Variants in MYO3B observed in about 807,000 individuals in gnomAD.
MYO3B encodes the protein myosin IIIB, also known as myosin-IIIb.
In MYO3B, 156 loss-of-function variants were observed where a neutral mutation model predicts 174.6. That is an observed-to-expected ratio of 0.89 (90% CI 0.78 to 1.02). MYO3B has a LOEUF of 1.02. Ranked by LOEUF, MYO3B falls within the 50% of genes least tolerant of loss-of-function variation. MYO3B has a pLI of 0.00. For missense variants in MYO3B, 1,632 were observed against 1,639.4 expected, an observed-to-expected ratio of 1.00 and a Z score of 0.08; for synonymous variants, 563 against 569.1, an observed-to-expected ratio of 0.99 and a Z score of 0.15.
At chr2:170,399,270 A>G in intron 16 of MYO3B, among the ~76,000 whole-genome samples, 1 of 50,948 alleles carries the variant, frequency 2.0e-5, no homozygotes, top group Non-Finnish European at 5.1e-5. Context: ...AAAAAAAGAG[A>G]GAGACCAGTC....
chr2:170,508,114 T>C (rs903902913), intron 28 of MYO3B, among the ~76,000 whole-genome samples: 1 of 152,132 alleles, frequency 6.6e-6, no homozygotes, highest in African/African-American at 2.4e-5. Context: ...GAAACTTTTG[T>C]GCAACAGTAG....
intron 32 of MYO3B, among the ~76,000 whole-genome samples, chr2:170,582,620 A>G (rs569976682): frequency 6.6e-6 from 1 of 152,184 alleles, no homozygotes; most frequent in South Asian, 2.1e-4. Flanking sequence ...CCTTTCTGCC[A>G]CTTTGCCACC....
chr2:170,507,492 T>A (rs1190716642), intron 28 of MYO3B, among the ~76,000 whole-genome samples: 1 of 152,078 alleles, frequency 6.6e-6, no homozygotes, highest in Non-Finnish European at 1.5e-5. Flanking sequence ...CTCCCCTTCC[T>A]GAGTTCAAGG....
chr2:170,198,324 A>G (rs2092623530), intron 1 of MYO3B, among the ~76,000 whole-genome samples: 1 of 152,172 alleles, frequency 6.6e-6, no homozygotes, highest in Admixed American at 6.5e-5. Flanking sequence ...CTCTGTTTAC[A>G]CTTGGGCAGA....
chr2:170,290,053 T>C (rs34919324), intron 7 of MYO3B, among the ~76,000 whole-genome samples: 13,660 of 152,188 alleles, frequency 0.09, 865 homozygotes, highest in Non-Finnish European at 0.14. Flanking sequence ...TTGTGATCCA[T>C]TGTGATCAGA....
chr2:170,382,507 A>G (rs992897653), intron 10 of MYO3B: 1 of 171,920 alleles, frequency 5.8e-6, no homozygotes, highest in Non-Finnish European at 1.3e-5. Context: ...CTTGAATTCT[A>G]AATTTGAAGT....
chr2:170,486,007 G>A (rs1006853689), intron 25 of MYO3B, among the ~76,000 whole-genome samples: 2 of 149,848 alleles, frequency 1.3e-5, no homozygotes, highest in African/African-American at 4.9e-5. Flanking sequence ...AAAGAAAGAG[G>A]GAGAGAGAGA....
chr2:170,435,226 A>T (rs2094743951), intron 22 of MYO3B, among the ~76,000 whole-genome samples: 1 of 152,162 alleles, frequency 6.6e-6, no homozygotes, highest in Non-Finnish European at 1.5e-5. Flanking sequence ...GTTTGTTGAG[A>T]AATCGTTTAT....
chr2:170,582,857 A>G (rs1269568699), intron 32 of MYO3B, among the ~76,000 whole-genome samples: 3 of 152,004 alleles, frequency 2.0e-5, no homozygotes, highest in Non-Finnish European at 2.9e-5. Flanking sequence ...TCCCTCTTCC[A>G]CAGAATTCCC....
intron 32 of MYO3B, among the ~76,000 whole-genome samples, chr2:170,624,442 TTATCAGCA>T (rs1464775613): frequency 6.6e-6 from 1 of 152,210 alleles, no homozygotes; most frequent in East Asian, 1.9e-4. Flanking sequence ...CTGAGGTTGC[TTATCAGCA>T]TAAGGAGATT....
intron 22 of MYO3B, among the ~76,000 whole-genome samples, chr2:170,438,503 A>G (rs10205129): frequency 0.072 from 11,006 of 152,190 alleles, 469 homozygotes; most frequent in South Asian, 0.17. Flanking sequence ...AGGAAACTTT[A>G]TACTACATTT....
chr2:170,217,475 C>A, intron 6 of MYO3B, 80 bp downstream of exon 6: 1 of 1,228,990 alleles, frequency 8.1e-7, no homozygotes, highest in Non-Finnish European at 1.2e-6. Flanking sequence ...AAGTCATATG[C>A]TTTGCAGAAT....
chr2:170,427,518 A>T (rs765803008), intron 22 of MYO3B, among the ~76,000 whole-genome samples: 1 of 152,368 alleles, frequency 6.6e-6, no homozygotes, highest in East Asian at 1.9e-4. Context: ...GGTTATACAT[A>T]TATCTATAAG....
intron 7 of MYO3B, among the ~76,000 whole-genome samples, chr2:170,285,179 G>T (rs1171050636): frequency 6.6e-6 from 1 of 152,128 alleles, no homozygotes; most frequent in African/African-American, 2.4e-5. Flanking sequence ...TTGTCTTCTT[G>T]TGGACAAGGG....
chr2:170,581,789 T>C (rs1274302574), intron 32 of MYO3B, among the ~76,000 whole-genome samples: 1 of 152,198 alleles, frequency 6.6e-6, no homozygotes, highest in African/African-American at 2.4e-5. Flanking sequence ...TAAAAGCTAA[T>C]ATTTACTGTA....
chr2:170,522,823 A>G (rs1164832207), intron 30 of MYO3B, among the ~76,000 whole-genome samples: 4 of 152,144 alleles, frequency 2.6e-5, no homozygotes, highest in African/African-American at 4.8e-5. Context: ...ATGAAGACCT[A>G]ATTCTTTTTA....
At chr2:170,474,213 A>G (rs369159953) in intron 25 of MYO3B, among the ~76,000 whole-genome samples, 6 of 152,282 alleles carry the variant, frequency 3.9e-5, no homozygotes, top group Admixed American at 2.0e-4. Context: ...TATAGAAAGC[A>G]TTCTATAGGC....
intron 32 of MYO3B, among the ~76,000 whole-genome samples, chr2:170,634,870 G>C (rs1409961039): frequency 6.6e-6 from 1 of 152,218 alleles, no homozygotes; most frequent in Non-Finnish European, 1.5e-5. Flanking sequence ...AAAAAATGCT[G>C]ATCATCACTG....
intron 3 of MYO3B, among the ~76,000 whole-genome samples, chr2:170,209,692 A>G (rs1296127200): frequency 2.0e-5 from 3 of 152,224 alleles, no homozygotes; most frequent in Admixed American, 6.5e-5. Flanking sequence ...TAGAAACACA[A>G]TTGACAAAGA....
Sources: gnomAD v4.1 joint callset for allele counts (sites outside exome capture counted in the v4.1 genomes callset) on GRCh38, gnomAD v4.1.1 for gene constraint, MANE v1.5 for transcripts, NCBI Gene and HGNC (gene_info 2026-07-23, HGNC 2026-07-21) for gene names.